RBFOX1: variants seen among roughly 807,000 people sequenced by gnomAD.
RBFOX1 encodes the protein RNA binding fox-1 homolog 1.
RBFOX1 carries 8 observed loss-of-function variants against 57.7 expected under a neutral mutation model. The ratio of observed to expected loss-of-function variants is 0.14; its 90% CI spans 0.08 to 0.25. RBFOX1 has a LOEUF of 0.25. Ranked by LOEUF, RBFOX1 falls within the 10% of genes least tolerant of loss-of-function variation. The pLI is 1.00. For missense variants in RBFOX1, 611 were observed against 548.5 expected, an observed-to-expected ratio of 1.11 and a Z score of -1.14; for synonymous variants, 326 against 222.4, an observed-to-expected ratio of 1.47 and a Z score of -4.15.
chr16:6,873,277 C>G lies in RBFOX1; in HGVS notation c.-15-178780C>G, dbSNP rs550246720. On this transcript the variant is annotated intron_variant, in intron 3 of 15. Coordinates refer to ENST00000550418, the MANE Select transcript of RBFOX1 (RefSeq NM_018723.4). ...TAATTTATACATTAGTTATCTTGGT[C>G]CCAAAGCATAACTCTTTTAACACCT... 3.6e-4 allele frequency among the ~76,000 whole-genome samples: 55 copies of G among 152,134 alleles called. 1 individual carries two copies. The highest frequency in any genetic ancestry group is 1.3e-3 in the African/African-American group (54 of 41,522).
chr16:6,225,126 G>A (rs533162520), intron 1 of RBFOX1, among the ~76,000 whole-genome samples: 2 of 152,016 alleles, frequency 1.3e-5, no homozygotes, highest in South Asian at 4.2e-4. Flanking sequence ...CTACAAGAGA[G>A]GTAGAGAACA....
intron 3 of RBFOX1, among the ~76,000 whole-genome samples, chr16:6,947,481 G>A (rs2079789820): frequency 6.6e-6 from 1 of 152,170 alleles, no homozygotes; most frequent in East Asian, 1.9e-4. Context: ...TTCTTGGGAA[G>A]GATGTAGGAA....
chr16:6,274,300 A>G (rs1220744529), intron 1 of RBFOX1, among the ~76,000 whole-genome samples: 1 of 152,188 alleles, frequency 6.6e-6, no homozygotes, highest in Non-Finnish European at 1.5e-5. Context: ...AACAGCCTAC[A>G]TATATTTCAC....
chr16:6,682,687 CCCCCGGCG>C (rs1192512658), intron 3 of RBFOX1, among the ~76,000 whole-genome samples: 2 of 151,778 alleles, frequency 1.3e-5, no homozygotes, highest in Non-Finnish European at 2.9e-5. Flanking sequence ...CGCCATGTGT[CCCCCGGCG>C]CGCAAAATTG....
intron 3 of RBFOX1, among the ~76,000 whole-genome samples, chr16:6,748,517 T>G (rs889042717): frequency 6.6e-6 from 1 of 152,006 alleles, no homozygotes; most frequent in Non-Finnish European, 1.5e-5. Flanking sequence ...AGATAAAAAA[T>G]TAGCTGGCCA....
chr16:6,879,028 A>C (rs372685690), intron 3 of RBFOX1, among the ~76,000 whole-genome samples: 3 of 152,318 alleles, frequency 2.0e-5, no homozygotes, highest in African/African-American at 7.2e-5. Context: ...TTACTAAACC[A>C]TTTGACCACA....
At position 6,506,611 on chromosome 16, in the gene RBFOX1, A is replaced by G. The variant is rs528404453; in HGVS notation, c.-63-147992A>G. Among the ~76,000 whole-genome samples the G allele has an allele frequency of 4.1e-5, 6 of 148,110 alleles. No individual in the cohort carries two copies. In the East Asian group the frequency reaches 1.2e-3, roughly 30 times the overall value. On this transcript the variant is annotated intron_variant, in intron 2 of 15. Coordinates refer to ENST00000550418, the MANE Select transcript of RBFOX1 (RefSeq NM_018723.4). ...TTTGTCAGTATAAACGGTAATAACAATCACAGTAGCTAATTTTTTTTTTTT... is the reference window on the plus strand; with the variant it reads ...TTTGTCAGTATAAACGGTAATAACAGTCACAGTAGCTAATTTTTTTTTTTT...
chr16:5,574,347 A>G (rs981421918), intron 2 of RBFOX1, among the ~76,000 whole-genome samples: 5 of 151,902 alleles, frequency 3.3e-5, no homozygotes, highest in Non-Finnish European at 7.4e-5. Context: ...TAGGTTACTG[A>G]TTCTCATCCA....
intron 2 of RBFOX1, among the ~76,000 whole-genome samples, chr16:6,501,330 C>T (rs1489170160): frequency 2.2e-5 from 3 of 135,196 alleles, no homozygotes; most frequent in East Asian, 2.5e-4. Context: ...GTGATGTTCC[C>T]CTTCCTGTGT....
chr16:6,909,714 T>C (rs980291811), intron 3 of RBFOX1, among the ~76,000 whole-genome samples: 1 of 152,196 alleles, frequency 6.6e-6, no homozygotes, highest in African/African-American at 2.4e-5. Context: ...TGCTAAGTCG[T>C]GGCAGTCACA....
At chr16:7,023,106 TAGG>T (rs2039794313) in intron 3 of RBFOX1, among the ~76,000 whole-genome samples, 1 of 151,952 alleles carries the variant, frequency 6.6e-6, no homozygotes, top group Non-Finnish European at 1.5e-5. Flanking sequence ...GGCACTGAGG[TAGG>T]AGAGAGCTGA....
At position 5,273,885 on chromosome 16, in the gene RBFOX1, A is replaced by G. The variant is rs192532246; in HGVS notation, c.219+33780A>G. On this transcript the variant is annotated intron_variant, in intron 1 of 2. Coordinates refer to the RBFOX1 transcript ENST00000585867. ...CTTACATAAGCCCATGGAGAAGGGA[A>G]AGGAATGCTGGTAATGACAAGATTG... 1.2e-4 allele frequency among the ~76,000 whole-genome samples: 18 copies of G among 152,300 alleles called. No homozygotes were observed. In the East Asian group the frequency reaches 3.5e-3, roughly 29 times the overall value.
intron 3 of RBFOX1, among the ~76,000 whole-genome samples, chr16:6,682,148 A>G (rs1328270694): frequency 6.6e-6 from 1 of 152,150 alleles, no homozygotes; most frequent in Non-Finnish European, 1.5e-5. Flanking sequence ...TTGAATGTGT[A>G]TTGTTTGCCT....
intron 5 of RBFOX1, among the ~76,000 whole-genome samples, chr16:7,552,843 C>G (rs966710328): frequency 6.6e-6 from 1 of 151,980 alleles, no homozygotes; most frequent in African/African-American, 2.4e-5. Context: ...CCACAACCCC[C>G]GGCTAATTTT....
intron 4 of RBFOX1, among the ~76,000 whole-genome samples, chr16:7,122,784 C>A (rs9922702): frequency 2.0e-5 from 3 of 151,976 alleles, no homozygotes; most frequent in East Asian, 3.9e-4. Context: ...GCAACTCTAC[C>A]ATAGCCCCCT....
intron 2 of RBFOX1, among the ~76,000 whole-genome samples, chr16:6,591,744 C>T (rs1431596875): frequency 6.6e-6 from 1 of 152,084 alleles, no homozygotes; most frequent in Non-Finnish European, 1.5e-5. Flanking sequence ...TGGAAAATTG[C>T]CCAGAAAGCA....
intron 2 of RBFOX1, among the ~76,000 whole-genome samples, chr16:5,535,594 C>G (rs1307718593): frequency 3.9e-5 from 6 of 152,306 alleles, no homozygotes; most frequent in Middle Eastern, 3.4e-3. Flanking sequence ...ACAGCTCTCC[C>G]CACTGGGTCA....
intron 5 of RBFOX1, among the ~76,000 whole-genome samples, chr16:7,535,649 T>C (rs1319521092): frequency 2.6e-5 from 4 of 152,238 alleles, no homozygotes; most frequent in Non-Finnish European, 5.9e-5. Flanking sequence ...TTCCTTTGTA[T>C]GTTTTATATG....
At position 5,269,633 on chromosome 16, in the gene RBFOX1, A is replaced by G. The variant is rs192668286; in HGVS notation, c.219+29528A>G. Among the ~76,000 whole-genome samples, 3 of 152,358 alleles carry G rather than the reference A, an allele frequency of 2.0e-5. No homozygotes were observed. In the East Asian group the frequency reaches 5.8e-4, roughly 29 times the overall value. ...CATGATTTCATTCAGATGGAAATCT[A>G]TAGAAATAGGAAGTTGATTAGTGGT... On this transcript the variant is annotated intron_variant, in intron 1 of 2. Coordinates refer to the RBFOX1 transcript ENST00000585867.
Sources: gnomAD v4.1 joint callset for allele counts (sites outside exome capture counted in the v4.1 genomes callset) on GRCh38, gnomAD v4.1.1 for gene constraint, MANE v1.5 for transcripts, NCBI Gene and HGNC (gene_info 2026-07-23, HGNC 2026-07-21) for gene names.